Variants in MSRA observed in about 807,000 individuals in gnomAD.
MSRA encodes the protein mitochondrial peptide methionine sulfoxide reductase.
Under a neutral mutation model 31.3 loss-of-function variants are expected in MSRA, and 54 were observed. The observed-to-expected ratio is 1.73, with a 90% CI of 1.39 to 2.17. The LOEUF is 2.17. MSRA is among the 30% of genes most tolerant of loss of function. The pLI is 0.00. For synonymous variants in MSRA, 169 were observed against 116.5 expected, an observed-to-expected ratio of 1.45 and a Z score of -2.90; for missense variants, 507 against 300.9, an observed-to-expected ratio of 1.69 and a Z score of -5.07.
At chr8:10,220,624 A>G (rs897149501) in intron 2 of MSRA, among the ~76,000 whole-genome samples, 1 of 152,146 alleles carries the variant, frequency 6.6e-6, no homozygotes, top group Non-Finnish European at 1.5e-5. Context: ...ACCCTTTTCC[A>G]GTTTCCTAAT....
intron 1 of MSRA, among the ~76,000 whole-genome samples, chr8:10,099,321 G>C (rs1478494110): frequency 6.6e-6 from 1 of 152,184 alleles, no homozygotes; most frequent in African/African-American, 2.4e-5. Context: ...TCAGCCGTGG[G>C]TATACACTGC....
At chr8:10,264,663 G>A (rs1798653572) in intron 3 of MSRA, among the ~76,000 whole-genome samples, 1 of 152,166 alleles carries the variant, frequency 6.6e-6, no homozygotes, top group Admixed American at 6.5e-5. Flanking sequence ...GTCCCAAGGT[G>A]AGGAAGGAAA....
chr8:10,294,670 TGGG>T (rs1164457416), intron 3 of MSRA, among the ~76,000 whole-genome samples: 1 of 152,048 alleles, frequency 6.6e-6, no homozygotes, highest in African/African-American at 2.4e-5. Flanking sequence ...GGTAGGGACG[TGGG>T]GGAACAGTGT....
intron 4 of MSRA, among the ~76,000 whole-genome samples, chr8:10,313,483 A>G (rs1215935918): frequency 2.0e-5 from 3 of 151,968 alleles, no homozygotes; most frequent in African/African-American, 7.3e-5. Context: ...AAAAAAAACA[A>G]AAAACAAACA....
intron 3 of MSRA, among the ~76,000 whole-genome samples, chr8:10,262,920 G>C (rs781450573): frequency 1.3e-5 from 2 of 152,110 alleles, no homozygotes; most frequent in African/African-American, 4.8e-5. Flanking sequence ...ATTTTTTGCC[G>C]TGTTGGTCAT....
intron 5 of MSRA, among the ~76,000 whole-genome samples, chr8:10,330,905 G>C (rs948191165): frequency 2.6e-5 from 4 of 152,320 alleles, no homozygotes; most frequent in South Asian, 4.1e-4. Flanking sequence ...TCTACCCCCA[G>C]TGTGATGGTG....
At chr8:10,193,488 T>C (rs1449932090) in intron 1 of MSRA, among the ~76,000 whole-genome samples, 3 of 152,214 alleles carry the variant, frequency 2.0e-5, no homozygotes, top group East Asian at 3.8e-4. Context: ...CAAGTTTTTA[T>C]TGAGCATGTA....
intron 2 of MSRA, among the ~76,000 whole-genome samples, chr8:10,239,709 C>T (rs189072441): frequency 2.0e-5 from 3 of 152,314 alleles, no homozygotes; most frequent in Admixed American, 1.3e-4. Flanking sequence ...GGGACTAGGA[C>T]CTCTAACTCT....
intron 2 of MSRA, among the ~76,000 whole-genome samples, chr8:10,234,497 G>A (rs1326439282): frequency 1.3e-5 from 2 of 151,982 alleles, no homozygotes; most frequent in Non-Finnish European, 2.9e-5. Flanking sequence ...AGGGTCAAAG[G>A]CAGTCAGAAA....
chr8:10,382,226 T>G (rs1806114630), intron 5 of MSRA, among the ~76,000 whole-genome samples: 1 of 152,218 alleles, frequency 6.6e-6, no homozygotes, highest in African/African-American at 2.4e-5. Context: ...CTCTTATGGC[T>G]GCTCTTCCAA....
At chr8:10,148,798 T>C (rs1439742003) in intron 1 of MSRA, among the ~76,000 whole-genome samples, 2 of 100,794 alleles carry the variant, frequency 2.0e-5, no homozygotes, top group Admixed American at 1.2e-4. Flanking sequence ...TGAGACCCTG[T>C]CGCAAAAAAA....
chr8:10,227,712 CAAATT>C (rs1004414175), intron 2 of MSRA, among the ~76,000 whole-genome samples: 2 of 152,128 alleles, frequency 1.3e-5, no homozygotes, highest in Admixed American at 6.5e-5. Flanking sequence ...AAAAATTAAT[CAAATT>C]AAAGCAGCAT....
chr8:10,102,100 G>T (rs1277347227), intron 1 of MSRA, among the ~76,000 whole-genome samples: 1 of 152,066 alleles, frequency 6.6e-6, no homozygotes. Context: ...GTGTTATGTT[G>T]TGCCTTTTTG....
chr8:10,214,486 G>A (rs998495488), intron 2 of MSRA, among the ~76,000 whole-genome samples: 1 of 152,150 alleles, frequency 6.6e-6, no homozygotes, highest in Admixed American at 6.5e-5. Context: ...GTGTCTTGGT[G>A]TCTCACTGGC....
At chr8:10,350,990 C>G (rs1436313272) in intron 5 of MSRA, among the ~76,000 whole-genome samples, 1 of 152,140 alleles carries the variant, frequency 6.6e-6, no homozygotes, top group African/African-American at 2.4e-5. Context: ...CTCCAGAACT[C>G]TTACTCCCCA....
At chr8:10,115,861 G>A (rs963593) in intron 1 of MSRA, among the ~76,000 whole-genome samples, 2 of 152,054 alleles carry the variant, frequency 1.3e-5, no homozygotes, top group Non-Finnish European at 2.9e-5. Context: ...TTAATAAATA[G>A]AAAACACACA....
chr8:10,368,907 T>C (rs1805319424), intron 5 of MSRA, among the ~76,000 whole-genome samples: 1 of 152,148 alleles, frequency 6.6e-6, no homozygotes, highest in South Asian at 2.1e-4. Context: ...AGCAAAGGCT[T>C]CTCCCCTACT....
chr8:10,341,278 A>G (rs1161860556), intron 5 of MSRA, among the ~76,000 whole-genome samples: 1 of 152,182 alleles, frequency 6.6e-6, no homozygotes, highest in East Asian at 1.9e-4. Flanking sequence ...GGCCTCAGGA[A>G]GTTTCTGATC....
chr8:10,385,075 G>C (rs1806305011), intron 5 of MSRA, among the ~76,000 whole-genome samples: 1 of 152,174 alleles, frequency 6.6e-6, no homozygotes, highest in Non-Finnish European at 1.5e-5. Context: ...AGAGAATTCA[G>C]GCTCAACTTC....
Sources: allele counts gnomAD v4.1 joint callset (sites outside exome capture counted in the v4.1 genomes callset), GRCh38; gene constraint gnomAD v4.1.1; transcripts MANE v1.5; gene names NCBI Gene and HGNC (gene_info 2026-07-23, HGNC 2026-07-21).